DIO2: variants seen among roughly 807,000 people sequenced by gnomAD.
DIO2 encodes type II iodothyronine deiodinase.
Under a neutral mutation model 21.4 loss-of-function variants are expected in DIO2, and 19 were observed. The ratio of observed to expected loss-of-function variants is 0.89; its 90% confidence interval spans 0.62 to 1.30. The LOEUF is 1.30. Ranked by LOEUF, DIO2 falls within the 50% of genes most tolerant of loss-of-function variation. DIO2 has a pLI of 0.00. For missense variants in DIO2, 302 were observed against 338.1 expected (o/e 0.89, Z 0.84); for synonymous variants, 122 against 132.9 (o/e 0.92, Z 0.57).
chr14:80,228,541 C>T (rs1888623391), intron 2 of DIO2, among the ~76,000 whole-genome samples: 1 of 152,220 alleles, frequency 6.6e-6, no homozygotes. Context: ...GCACTAATCT[C>T]TGCAATCCCT....
chr14:80,216,840 G>A (rs949346381), intron 2 of DIO2: 7 of 152,002 alleles, frequency 4.6e-5, no homozygotes, highest in Non-Finnish European at 8.8e-5. Context: ...TCCTCGGCTC[G>A]TAGGAAACCA....
intron 2 of DIO2, among the ~76,000 whole-genome samples, chr14:80,220,659 G>A (rs1031268684): frequency 6.6e-6 from 1 of 152,084 alleles, no homozygotes; most frequent in South Asian, 2.1e-4. Context: ...TTGTTGGGGG[G>A]AATGGGCTTA....
intron 1 of DIO2, among the ~76,000 whole-genome samples, chr14:80,207,349 A>C (rs1887992775): frequency 1.3e-5 from 2 of 152,198 alleles, no homozygotes; most frequent in Non-Finnish European, 2.9e-5. Flanking sequence ...GGGGGAGAAA[A>C]GAACCATTCA....
At chr14:80,228,800 A>G (rs775132890) in intron 2 of DIO2, among the ~76,000 whole-genome samples, 1 of 152,180 alleles carries the variant, frequency 6.6e-6, no homozygotes, top group South Asian at 2.1e-4. Flanking sequence ...TCGATTAATT[A>G]TCTGACCTCT....
chr14:80,205,791 A>G (rs1887931254), intron 1 of DIO2: 1 of 1,100,102 alleles, frequency 9.1e-7, no homozygotes, highest in Non-Finnish European at 1.2e-6. Context: ...TATGGGGGGG[A>G]TTTAGCATTT....
At chr14:80,203,435 T>G in intron 1 of DIO2, 147 bp from the exon 2 acceptor site, 6 of 1,021,310 alleles carry the variant, frequency 5.9e-6, no homozygotes, top group Non-Finnish European at 8.3e-6. Context: ...AAACATTTAT[T>G]GATTTGAGTA....
chr14:80,226,182 T>C (rs567668764), intron 2 of DIO2, among the ~76,000 whole-genome samples: 26 of 152,264 alleles, frequency 1.7e-4, no homozygotes, highest in Admixed American at 5.2e-4. Context: ...CTGGAGAACT[T>C]TGCCACAGTC....
intron 1 of DIO2, among the ~76,000 whole-genome samples, chr14:80,203,905 C>T (rs917427815): frequency 6.6e-6 from 1 of 152,176 alleles, no homozygotes; most frequent in African/African-American, 2.4e-5. Flanking sequence ...ATTCAGCTTT[C>T]CCACCTGTAA....
At chr14:80,207,919 G>T (rs930639890) in intron 1 of DIO2, among the ~76,000 whole-genome samples, 1 of 152,162 alleles carries the variant, frequency 6.6e-6, no homozygotes, top group African/African-American at 2.4e-5. Context: ...GGAAACTAGT[G>T]TCAAAGGCTT....
intron 1 of DIO2, among the ~76,000 whole-genome samples, chr14:80,210,946 C>T (rs1250233998): frequency 6.6e-6 from 1 of 152,168 alleles, no homozygotes; most frequent in Non-Finnish European, 1.5e-5. Flanking sequence ...CCATCATTTT[C>T]TGACTTTTCC....
intron 1 of DIO2, among the ~76,000 whole-genome samples, chr14:80,207,048 G>A (rs542633360): frequency 2.0e-5 from 3 of 152,200 alleles, no homozygotes; most frequent in Non-Finnish European, 2.9e-5. Flanking sequence ...TATTGTCATC[G>A]CTGACTTTTA....
rs1488448159 is a variant in DIO2, at chr14:80,206,445, A to AC, written c.223-3158dup. The AC allele has an allele frequency of 1.1e-5, 7 of 617,862 alleles. No individual in the cohort carries two copies. In the East Asian group the frequency reaches 2.2e-4, roughly 19 times the overall value. The allele number at this position is 617,862 out of a possible 1,614,324, so 38.3% of individuals were successfully genotyped here. A position where few individuals can be genotyped will look rare whatever the true frequency, so the allele number is the denominator to read the frequency against. On this transcript the variant is annotated intron_variant, in intron 1 of 1. Coordinates refer to ENST00000438257, the MANE Select transcript of DIO2 (RefSeq NM_013989.5). The stretch of plus-strand genomic sequence containing the variant: ...TTCATTCTCATCTCCCCATTTGGTC[A>AC]CCATAAAAATTAAATTCCTAATAGA...
rs1187102492 is a variant in DIO2 at position 80,198,415 on chromosome 14, G to A, written c.*4274C>T. On this transcript the variant is annotated 3_prime_UTR_variant, in exon 2 of 2. Transcript: ENST00000438257. ...TACTATACACATAGGGCATTAGGAA[G>A]TGGCCCAATGTTTTGCTCATCCTAA... 1 of 152,654 alleles carries A rather than the reference G, an allele frequency of 6.6e-6. No homozygotes were observed. Among genetic ancestry groups the A allele is most frequent in the Non-Finnish European group, 1.5e-5 (1 of 68,064 alleles). 9.5% of individuals were successfully genotyped at this position (152,654 alleles called of 1,614,324 possible).
chr14:80,224,934 G>C (rs1441241173), intron 2 of DIO2, among the ~76,000 whole-genome samples: 1 of 152,140 alleles, frequency 6.6e-6, no homozygotes, highest in Non-Finnish European at 1.5e-5. Flanking sequence ...AGCTTGAGGA[G>C]AAAAGAGAGC....
At chr14:80,206,365 T>G (rs769748179) in intron 1 of DIO2, 5 of 1,324,656 alleles carry the variant, frequency 3.8e-6, no homozygotes, top group Non-Finnish European at 5.2e-6. Flanking sequence ...AAACTTTTTT[T>G]AGATATGGAA....
At chr14:80,227,669 C>G (rs988637301) in intron 2 of DIO2, among the ~76,000 whole-genome samples, 1 of 152,212 alleles carries the variant, frequency 6.6e-6, no homozygotes, top group Non-Finnish European at 1.5e-5. Context: ...CTGCCACTAA[C>G]ACCTCAAGCA....
intron 2 of DIO2, among the ~76,000 whole-genome samples, chr14:80,217,504 G>A (rs1020904065): frequency 3.9e-5 from 6 of 152,170 alleles, no homozygotes; most frequent in Non-Finnish European, 8.8e-5. Flanking sequence ...AGAGGTGGTA[G>A]ACAGGAAAGC....
At chr14:80,228,527 G>C (rs1489741046) in intron 2 of DIO2, among the ~76,000 whole-genome samples, 1 of 152,180 alleles carries the variant, frequency 6.6e-6, no homozygotes, top group African/African-American at 2.4e-5. Flanking sequence ...AGCCCTTGAT[G>C]GTGGCACTAA....
intron 1 of DIO2, among the ~76,000 whole-genome samples, chr14:80,209,163 ATTTG>A (rs1888066594): frequency 6.6e-6 from 1 of 152,142 alleles, no homozygotes; most frequent in Non-Finnish European, 1.5e-5. Context: ...TTGAAGACGT[ATTTG>A]TTTGCTTTTC....
Sources: allele counts gnomAD v4.1 joint callset (sites outside exome capture counted in the v4.1 genomes callset), GRCh38; gene constraint gnomAD v4.1.1; transcripts MANE v1.5; gene names NCBI Gene and HGNC (gene_info 2026-07-23, HGNC 2026-07-21).